Variants in PKP2 observed in about 807,000 individuals in gnomAD.
PKP2 encodes plakophilin-2.
Under a neutral mutation model 83.4 loss-of-function variants are expected in PKP2, and 73 were observed. That is an observed-to-expected ratio of 0.88 (90% CI 0.72 to 1.06). PKP2 has a LOEUF of 1.06. Among genes scored for constraint, PKP2 ranks in the 50% least tolerant of loss-of-function variants. The pLI, the probability that PKP2 is intolerant of heterozygous loss-of-function variation, is 0.00. For synonymous variants in PKP2, 409 were observed against 430.4 expected, an observed-to-expected ratio of 0.95 and a Z score of 0.62; for missense variants, 966 against 1,065.4, an observed-to-expected ratio of 0.91 and a Z score of 1.30.
chr12:32,839,275 C>T (rs1467937750), intron 6 of PKP2, among the ~76,000 whole-genome samples: 4 of 151,912 alleles, frequency 2.6e-5, no homozygotes, highest in African/African-American at 9.7e-5. Context: ...CTTGGACAAT[C>T]CAGGCCAACA....
At chr12:32,858,064 C>CAAAAA (rs777690496) in intron 4 of PKP2, among the ~76,000 whole-genome samples, 5 of 27,386 alleles carry the variant, frequency 1.8e-4, no homozygotes, top group African/African-American at 2.6e-4. Flanking sequence ...CCCATCTCTA[C>CAAAAA]AAAAAAAAAA....
At chr12:32,846,038 C>T (rs1416519807) in intron 5 of PKP2, among the ~76,000 whole-genome samples, 1 of 152,104 alleles carries the variant, frequency 6.6e-6, no homozygotes, top group Non-Finnish European at 1.5e-5. Context: ...TTAAATACAG[C>T]AATCCAATTA....
chr12:32,880,349 G>A (rs1022658123), intron 1 of PKP2, among the ~76,000 whole-genome samples: 12 of 152,064 alleles, frequency 7.9e-5, no homozygotes, highest in Admixed American at 5.9e-4. Flanking sequence ...GCAGTGAGCC[G>A]AGATAGCGCC....
chr12:32,843,324 G>T lies in PKP2; in HGVS notation c.1379-2119C>A, dbSNP rs371719724. 4.4e-6 allele frequency: 6 copies of T among 1,365,062 alleles called. No individual in the cohort carries two copies. The highest frequency in any genetic ancestry group is 1.5e-5 in the African/African-American group (1 of 67,742). 84.6% of individuals were successfully genotyped at this position (1,365,062 alleles called of 1,614,324 possible). A position where few individuals can be genotyped will look rare whatever the true frequency, so the allele number is the denominator to read the frequency against. On this transcript the variant is annotated intron_variant, in intron 5 of 12. Coordinates refer to ENST00000340811, the MANE Select transcript of PKP2 (RefSeq NM_001005242.3). The stretch of plus-strand genomic sequence containing the variant: ...AATTGACTGTATGGTCTGTACAAAG[G>T]AAAGAGGAAGCATAGGTACTCAGGG...
At chr12:32,877,271 G>T (rs1956940444) in intron 3 of PKP2, among the ~76,000 whole-genome samples, 1 of 152,112 alleles carries the variant, frequency 6.6e-6, no homozygotes, top group African/African-American at 2.4e-5. Context: ...AAATAGGAAT[G>T]GAAAGGAATG....
At chr12:32,842,101 G>C (rs1956598664) in intron 5 of PKP2, among the ~76,000 whole-genome samples, 1 of 152,168 alleles carries the variant, frequency 6.6e-6, no homozygotes, top group Non-Finnish European at 1.5e-5. Flanking sequence ...AGAGAAAATA[G>C]AAAGTGGCAT....
chr12:32,864,276 T>C (rs1237046658), intron 4 of PKP2, among the ~76,000 whole-genome samples: 2 of 150,262 alleles, frequency 1.3e-5, no homozygotes, highest in African/African-American at 4.9e-5. Flanking sequence ...CTTTTCAAGA[T>C]TGTAGGAGAG....
chr12:32,840,815 C>T (rs569092847), intron 6 of PKP2, among the ~76,000 whole-genome samples: 10 of 151,998 alleles, frequency 6.6e-5, no homozygotes, highest in Admixed American at 1.3e-4. Flanking sequence ...CCCAGCACTT[C>T]GGGAGGCCAA....
At chr12:32,823,463 A>AGTTTGG (rs1956403196) in intron 7 of PKP2, among the ~76,000 whole-genome samples, 1 of 151,564 alleles carries the variant, frequency 6.6e-6, no homozygotes, top group Admixed American at 6.6e-5. Flanking sequence ...AGAAGGAACA[A>AGTTTGG]GTTTGGGAAT....
At chr12:32,852,208 G>A (rs1169091429) in intron 4 of PKP2, among the ~76,000 whole-genome samples, 1 of 152,164 alleles carries the variant, frequency 6.6e-6, no homozygotes, top group Non-Finnish European at 1.5e-5. Context: ...AAGTTTTCAT[G>A]AACGGGCATG....
At chr12:32,888,182 T>C (rs548376953) in intron 1 of PKP2, among the ~76,000 whole-genome samples, 3 of 152,174 alleles carry the variant, frequency 2.0e-5, no homozygotes, top group South Asian at 4.1e-4. Flanking sequence ...CATGAATGAA[T>C]GAATGAATAC....
At chr12:32,862,143 C>T (rs943706645) in intron 4 of PKP2, among the ~76,000 whole-genome samples, 1 of 152,078 alleles carries the variant, frequency 6.6e-6, no homozygotes, top group Admixed American at 6.6e-5. Context: ...GTGATCTGCC[C>T]GCCTCAGTCC....
intron 6 of PKP2, among the ~76,000 whole-genome samples, chr12:32,824,569 T>C (rs146229453): frequency 6.6e-5 from 10 of 152,232 alleles, no homozygotes; most frequent in African/African-American, 2.4e-4. Context: ...AACTTAAAGT[T>C]GCTCTGGGCC....
intron 4 of PKP2, among the ~76,000 whole-genome samples, chr12:32,860,907 A>T (rs1469354240): frequency 6.6e-6 from 1 of 152,118 alleles, no homozygotes; most frequent in African/African-American, 2.4e-5. Flanking sequence ...ATGCGCCTGT[A>T]ATCCCAGCTA....
intron 4 of PKP2, among the ~76,000 whole-genome samples, chr12:32,854,505 G>A (rs1487150149): frequency 6.6e-6 from 1 of 152,210 alleles, no homozygotes; most frequent in Non-Finnish European, 1.5e-5. Context: ...CTAGAAGATG[G>A]TAGGTGATGA....
At chr12:32,800,413 A>G (rs1315985694) in intron 10 of PKP2, among the ~76,000 whole-genome samples, 3 of 152,224 alleles carry the variant, frequency 2.0e-5, no homozygotes. Context: ...GACCTGATTG[A>G]CAGGTAAGAC....
chr12:32,845,578 A>T (rs1034040748), intron 5 of PKP2, among the ~76,000 whole-genome samples: 3 of 152,048 alleles, frequency 2.0e-5, no homozygotes, highest in Admixed American at 6.6e-5. Flanking sequence ...ATAATAATAA[A>T]AAAATTAATG....
chr12:32,886,111 G>A (rs948523125), intron 1 of PKP2, among the ~76,000 whole-genome samples: 14 of 152,186 alleles, frequency 9.2e-5, no homozygotes, highest in African/African-American at 3.4e-4. Flanking sequence ...TGATTTAAAT[G>A]CTGCAGGTAA....
intron 9 of PKP2, among the ~76,000 whole-genome samples, chr12:32,809,693 C>T (rs1956259665): frequency 6.6e-6 from 1 of 152,150 alleles, no homozygotes; most frequent in Admixed American, 6.5e-5. Context: ...GTTTATTGGA[C>T]CCAAGGCCCT....
Sources: gnomAD v4.1 joint callset for allele counts (sites outside exome capture counted in the v4.1 genomes callset) on GRCh38, gnomAD v4.1.1 for gene constraint, MANE v1.5 for transcripts, NCBI Gene and HGNC (gene_info 2026-07-23, HGNC 2026-07-21) for gene names.